Variants in RALYL observed in about 807,000 individuals in gnomAD.
RALYL encodes RNA-binding Raly-like protein.
RALYL carries 29 observed loss-of-function variants against 35.1 expected under a neutral mutation model. The observed-to-expected ratio is 0.83, with a 90% CI of 0.61 to 1.13. RALYL has a LOEUF of 1.13. Ranked by LOEUF, RALYL falls within the 50% of genes most tolerant of loss-of-function variation. RALYL has a pLI of 0.00. For missense variants in RALYL, 359 were observed against 360.4 expected, an observed-to-expected ratio of 1.00 and a Z score of 0.03; for synonymous variants, 120 against 127.6, an observed-to-expected ratio of 0.94 and a Z score of 0.40.
At chr8:84,388,829 A>G (rs1310614703) in intron 1 of RALYL, among the ~76,000 whole-genome samples, 2 of 152,070 alleles carry the variant, frequency 1.3e-5, no homozygotes, top group Admixed American at 6.6e-5. Context: ...TTTGCTGTGC[A>G]GAAGCTCTTT....
chr8:84,383,541 C>G (rs996991188), intron 1 of RALYL, among the ~76,000 whole-genome samples: 4 of 151,226 alleles, frequency 2.6e-5, no homozygotes, highest in African/African-American at 9.7e-5. Context: ...ATAAAGGATT[C>G]TGAAAGGCAG....
At chr8:84,617,305 C>T (rs186649686) in intron 2 of RALYL, among the ~76,000 whole-genome samples, 56 of 151,804 alleles carry the variant, frequency 3.7e-4, no homozygotes, top group African/African-American at 1.3e-3. Context: ...AGAGGTCCTT[C>T]ACATCCCTTG....
At chr8:84,236,156 G>A (rs961765320) in intron 1 of RALYL, among the ~76,000 whole-genome samples, 1 of 152,068 alleles carries the variant, frequency 6.6e-6, no homozygotes, top group Admixed American at 6.5e-5. Context: ...ACTTGAGTAA[G>A]ATAGTTTGCA....
intron 2 of RALYL, among the ~76,000 whole-genome samples, chr8:84,746,292 A>G (rs1808588148): frequency 6.6e-6 from 1 of 152,030 alleles, no homozygotes; most frequent in South Asian, 2.1e-4. Context: ...TTGAGTTGGC[A>G]TAGGTACTAC....
intron 3 of RALYL, among the ~76,000 whole-genome samples, chr8:84,798,403 T>C (rs1213769766): frequency 6.6e-6 from 1 of 152,254 alleles, no homozygotes; most frequent in Non-Finnish European, 1.5e-5. Context: ...AGTTATTTAG[T>C]TATCTAATGT....
intron 2 of RALYL, among the ~76,000 whole-genome samples, chr8:84,606,673 G>T (rs536613612): frequency 1.4e-4 from 21 of 152,174 alleles, no homozygotes; most frequent in Non-Finnish European, 2.8e-4. Context: ...GCTTCTAAGT[G>T]TCTATCCAAC....
intron 1 of RALYL, among the ~76,000 whole-genome samples, chr8:84,484,785 A>G (rs1263968298): frequency 6.6e-6 from 1 of 152,164 alleles, no homozygotes; most frequent in Non-Finnish European, 1.5e-5. Context: ...GTCATATGTG[A>G]GTTTTTATTT....
At chr8:84,834,796 C>A (rs553621742) in intron 4 of RALYL, among the ~76,000 whole-genome samples, 1 of 152,244 alleles carries the variant, frequency 6.6e-6, no homozygotes, top group African/African-American at 2.4e-5. Context: ...TGAATGAAAA[C>A]ACTTTACTTT....
At chr8:84,276,575 G>A (rs1835424295) in intron 1 of RALYL, among the ~76,000 whole-genome samples, 1 of 152,112 alleles carries the variant, frequency 6.6e-6, no homozygotes, top group African/African-American at 2.4e-5. Context: ...GTATACTTCT[G>A]GAAAGTTTAT....
chr8:84,395,167 A>C (rs948058340), intron 1 of RALYL, among the ~76,000 whole-genome samples: 2 of 151,858 alleles, frequency 1.3e-5, no homozygotes, highest in African/African-American at 4.8e-5. Context: ...TTAGTATTTT[A>C]TTAAATGATT....
chr8:84,625,907 G>A (rs1316177282), intron 2 of RALYL, among the ~76,000 whole-genome samples: 1 of 152,140 alleles, frequency 6.6e-6, no homozygotes, highest in Admixed American at 6.5e-5. Flanking sequence ...ATGTCACTGT[G>A]GTTGTCATTG....
At chr8:84,454,476 T>C (rs1323435685) in intron 1 of RALYL, among the ~76,000 whole-genome samples, 2 of 152,052 alleles carry the variant, frequency 1.3e-5, no homozygotes, top group East Asian at 3.9e-4. Flanking sequence ...ATAATGGAAG[T>C]AGAGTATTTA....
At chr8:84,869,371 A>T (rs1839770788) in intron 6 of RALYL, among the ~76,000 whole-genome samples, 1 of 115,302 alleles carries the variant, frequency 8.7e-6, no homozygotes, top group Non-Finnish European at 1.7e-5. Flanking sequence ...TGTTTTGGAC[A>T]TTCAAATAAT....
At chr8:84,920,627 C>G (rs551640246) in intron 8 of RALYL, among the ~76,000 whole-genome samples, 29 of 152,038 alleles carry the variant, frequency 1.9e-4, no homozygotes, top group Middle Eastern at 3.4e-3. Flanking sequence ...GACAAGAGCT[C>G]AGGTTGAAAA....
At chr8:84,449,065 TG>T in intron 1 of RALYL, among the ~76,000 whole-genome samples, 1 of 150,644 alleles carries the variant, frequency 6.6e-6, no homozygotes, top group Admixed American at 6.6e-5. Flanking sequence ...CTTTGTTAGC[TG>T]TTAGTTTTTT....
intron 1 of RALYL, among the ~76,000 whole-genome samples, chr8:84,469,389 G>T (rs1302084280): frequency 6.6e-6 from 1 of 152,098 alleles, no homozygotes; most frequent in African/African-American, 2.4e-5. Flanking sequence ...CAGGTCTGTT[G>T]GAGTACCCTG....
At chr8:84,446,144 T>C (rs906168110) in intron 1 of RALYL, among the ~76,000 whole-genome samples, 9 of 152,050 alleles carry the variant, frequency 5.9e-5, no homozygotes, top group African/African-American at 2.2e-4. Context: ...GTTTGATATG[T>C]GTGCTTATAT....
At chr8:84,712,729 C>T (rs1276775554) in intron 2 of RALYL, among the ~76,000 whole-genome samples, 1 of 152,226 alleles carries the variant, frequency 6.6e-6, no homozygotes, top group Non-Finnish European at 1.5e-5. Context: ...GCAGAGTATA[C>T]TTTATCACTT....
At chr8:84,253,013 T>A (rs1830493180) in intron 1 of RALYL, among the ~76,000 whole-genome samples, 1 of 151,998 alleles carries the variant, frequency 6.6e-6, no homozygotes, top group East Asian at 1.9e-4. Flanking sequence ...AAGGACTTTG[T>A]GTATGGCTTC....
Sources: gnomAD v4.1 joint callset for allele counts (sites outside exome capture counted in the v4.1 genomes callset) on GRCh38, gnomAD v4.1.1 for gene constraint, MANE v1.5 for transcripts, NCBI Gene and HGNC (gene_info 2026-07-23, HGNC 2026-07-21) for gene names.